MAML1: variants seen among roughly 807,000 people sequenced by gnomAD.
The protein encoded by MAML1 is mastermind-like protein 1.
In MAML1, 14 loss-of-function variants were observed where a neutral mutation model predicts 77.1. The observed-to-expected ratio is 0.18, with a 90% CI of 0.12 to 0.28. The LOEUF (loss-of-function observed/expected upper bound fraction) is 0.28. Among genes scored for constraint, MAML1 ranks in the 10% least tolerant of loss-of-function variants. The probability of loss-of-function intolerance (pLI) is 1.00; values close to 1 mark genes in which losing one functional copy is unlikely to be tolerated. For missense variants in MAML1, 1,217 were observed against 1,327.8 expected, an observed-to-expected ratio of 0.92 and a Z score of 1.30; for synonymous variants, 516 against 551.9, an observed-to-expected ratio of 0.93 and a Z score of 0.91.
chr5:179,742,987 T>TA (rs1305188367), intron 1 of MAML1, among the ~76,000 whole-genome samples: 1 of 152,056 alleles, frequency 6.6e-6, no homozygotes. Flanking sequence ...TGAAAAGCCT[T>TA]ATATTTGAGA....
chr5:179,777,067 A>T lies in MAML1; in HGVS notation c.*2190A>T. ...ATATTTTTTACTTTTATAGATTTTA[A>T]AACTATGATCCTTTATATGTGTGTT... On this transcript the variant is annotated 3_prime_UTR_variant, in exon 5 of 5. Coordinates refer to ENST00000292599, the MANE Select transcript of MAML1 (RefSeq NM_014757.5). The T allele has an allele frequency of 1.0e-6, 1 of 984,288 alleles. No individual in the cohort carries two copies. Among genetic ancestry groups the T allele is most frequent in the South Asian group, 4.7e-5 (1 of 21,256 alleles). 61.0% of individuals were successfully genotyped at this position (984,288 alleles called of 1,614,324 possible).
intron 1 of MAML1, among the ~76,000 whole-genome samples, chr5:179,753,257 C>T (rs540435096): frequency 3.3e-4 from 50 of 151,372 alleles, no homozygotes; most frequent in African/African-American, 1.2e-3. Context: ...GTGAAGGAGT[C>T]CTGAATTCAC....
chr5:179,745,505 C>T (rs1240778654), intron 1 of MAML1, among the ~76,000 whole-genome samples: 1 of 149,680 alleles, frequency 6.7e-6, no homozygotes, highest in Non-Finnish European at 1.5e-5. Context: ...CACCTGAGGT[C>T]AGCAGTTCAA....
At position 179,776,187 on chromosome 5, in the gene MAML1, C is replaced by G. The variant is rs1186919528; in HGVS notation, c.*1310C>G. ...AAGCACAGGGTGAGACCCTTTTACA[C>G]AGAATGGTGGAGAGAAAAGAGAATG... On this transcript the variant is annotated 3_prime_UTR_variant, in exon 5 of 5. Transcript: ENST00000292599. 2.0e-6 allele frequency: 2 copies of G among 985,782 alleles called. No homozygotes were observed. The highest frequency in any genetic ancestry group is 2.4e-6 in the Non-Finnish European group (2 of 829,956). 61.1% of individuals were successfully genotyped at this position (985,782 alleles called of 1,614,324 possible).
chr5:179,738,973 G>A (rs1779226223), intron 1 of MAML1, among the ~76,000 whole-genome samples: 2 of 152,038 alleles, frequency 1.3e-5, no homozygotes, highest in African/African-American at 2.4e-5. Context: ...ATCATTCTTC[G>A]TGACTTCTTC....
At chr5:179,767,977 T>C (rs1431199425) in intron 2 of MAML1, among the ~76,000 whole-genome samples, 2 of 152,228 alleles carry the variant, frequency 1.3e-5, no homozygotes, top group Non-Finnish European at 2.9e-5. Context: ...ACAGAGAATA[T>C]CTGTTAAAGT....
Position 179,768,928 on chromosome 5 carries a change from A to C in MAML1, c.1810A>C (p.Ser604Arg). ...GTQPPAVSVASSHNSSPYLSS... is the reference protein window; with the variant it reads ...GTQPPAVSVARSHNSSPYLSS... ...CCAGCCGCCTGCCGTGTCCGTGGCC[A>C]GCTCCCACAACAGCTCCCCCTATCT... Residue 604 changes from serine to arginine, a missense_variant, in exon 3 of 5, where the codon AGC becomes CGC. Physicochemically the swap from Ser to Arg is moderately radical, Grantham distance 110. Transcript: ENST00000292599. The C allele has an allele frequency of 6.2e-7, 1 of 1,614,160 alleles. No homozygotes were observed. Among genetic ancestry groups the C allele is most frequent in the Non-Finnish European group, 8.5e-7 (1 of 1,180,026 alleles).
At chr5:179,747,827 A>AAAAAAAAT in intron 1 of MAML1, among the ~76,000 whole-genome samples, 1 of 151,242 alleles carries the variant, frequency 6.6e-6, no homozygotes, top group Non-Finnish European at 1.5e-5. Context: ...AAAAAAAAAA[A>AAAAAAAAT]AAGAAGGAAA....
intron 1 of MAML1, among the ~76,000 whole-genome samples, chr5:179,734,128 C>G (rs1223606481): frequency 6.6e-6 from 1 of 152,076 alleles, no homozygotes; most frequent in Non-Finnish European, 1.5e-5. Flanking sequence ...AGTAAATGTT[C>G]CTGAAATTTG....
chr5:179,736,095 C>G (rs1308324201), intron 1 of MAML1, among the ~76,000 whole-genome samples: 1 of 152,156 alleles, frequency 6.6e-6, no homozygotes, highest in African/African-American at 2.4e-5. Flanking sequence ...TAGTACACAT[C>G]TGAGGTGCAT....
intron 1 of MAML1, among the ~76,000 whole-genome samples, chr5:179,733,856 G>C (rs539213223): frequency 1.3e-5 from 2 of 152,330 alleles, no homozygotes; most frequent in South Asian, 4.1e-4. Context: ...CTGTGAGCAG[G>C]ATCAGGGCTT....
At position 179,775,938 on chromosome 5, in the gene MAML1, C is replaced by T. The variant is rs966882565; in HGVS notation, c.*1061C>T. On this transcript the variant is annotated 3_prime_UTR_variant, in exon 5 of 5. Coordinates refer to ENST00000292599, the MANE Select transcript of MAML1 (RefSeq NM_014757.5). ...GGTTTTGGGGAAGGAGGCCGTAGGC[C>T]GGCCCGGAGGAAGCAATTCCACTTG... 35 of 985,694 alleles carry T rather than the reference C, an allele frequency of 3.6e-5. No homozygotes were observed. In the South Asian group the frequency reaches 3.8e-4, roughly 11 times the overall value. 61.1% of individuals were successfully genotyped at this position (985,694 alleles called of 1,614,324 possible).
chr5:179,751,342 A>G (rs1222217889), intron 1 of MAML1, among the ~76,000 whole-genome samples: 2 of 152,208 alleles, frequency 1.3e-5, no homozygotes, highest in East Asian at 1.9e-4. Context: ...AGCACGTGGA[A>G]TGCACCTTGT....
intron 2 of MAML1, among the ~76,000 whole-genome samples, chr5:179,767,740 C>T (rs759346127): frequency 6.6e-6 from 1 of 152,146 alleles, no homozygotes; most frequent in Admixed American, 6.5e-5. Flanking sequence ...TTGCAACTTA[C>T]GAAGCACTCT....
At position 179,759,654 on chromosome 5, in the gene MAML1, A is replaced by G. The variant is rs78309671; in HGVS notation, c.316-5672A>G. ...GCTCCCGAGTGTCCTGTGGACATACAGGGACTGGGAGAGAAATGTTGACCA... is the reference window on the plus strand; with the variant it reads ...GCTCCCGAGTGTCCTGTGGACATACGGGGACTGGGAGAGAAATGTTGACCA... On this transcript the variant is annotated intron_variant, in intron 1 of 4. Coordinates refer to ENST00000292599, the MANE Select transcript of MAML1 (RefSeq NM_014757.5). 8.5e-5 allele frequency among the ~76,000 whole-genome samples: 13 copies of G among 152,346 alleles called. No individual in the cohort carries two copies. In the East Asian group the frequency reaches 2.5e-3, roughly 29 times the overall value.
At chr5:179,761,690 C>T (rs770715036) in intron 1 of MAML1, among the ~76,000 whole-genome samples, 7 of 151,988 alleles carry the variant, frequency 4.6e-5, no homozygotes, top group African/African-American at 7.3e-5. Flanking sequence ...AGTGAAACTC[C>T]GTCTCAATAA....
intron 1 of MAML1, among the ~76,000 whole-genome samples, chr5:179,748,781 G>A (rs1442831074): frequency 2.0e-5 from 3 of 152,198 alleles, no homozygotes; most frequent in African/African-American, 7.2e-5. Context: ...GAGGGTACCA[G>A]GTCACATATC....
At position 179,766,808 on chromosome 5, in the gene MAML1, G is replaced by C; in HGVS notation, c.1731+67G>C. On this transcript the variant is annotated intron_variant, in intron 2 of 4. Transcript: ENST00000292599. This position sits in a 1 kb window ranked among gnomAD's most constrained non-coding sequence, Gnocchi z 4.0. ...CTTCAGTGAGGTTACTCACTACTTTGGATGTTAATTGGATCCGAGGTAGTT... is the reference window on the plus strand; with the variant it reads ...CTTCAGTGAGGTTACTCACTACTTTCGATGTTAATTGGATCCGAGGTAGTT... 1 of 1,329,740 alleles carries C rather than the reference G, an allele frequency of 7.5e-7. No individual in the cohort carries two copies. The highest frequency in any genetic ancestry group is 1.5e-5 in the African/African-American group (1 of 68,024). The allele number at this position is 1,329,740 out of a possible 1,614,324, so 82.4% of individuals were successfully genotyped here.
rs556426769 is a variant in MAML1, at chr5:179,734,877, G to A, written c.315+1450G>A. ...GTTAGAGATGGGGTCTCACTATATT[G>A]CCTAGGCTGGTCTTGAACTCCTGGG... is the stretch of plus-strand genomic sequence containing the variant. On this transcript the variant is annotated intron_variant, in intron 1 of 4. Coordinates refer to ENST00000292599, the MANE Select transcript of MAML1 (RefSeq NM_014757.5). Among the ~76,000 whole-genome samples, 5 of 152,208 alleles carry A rather than the reference G, an allele frequency of 3.3e-5. No homozygotes were observed. In the East Asian group the frequency reaches 9.6e-4, roughly 29 times the overall value.
Sources: gnomAD v4.1 joint callset for allele counts (sites outside exome capture counted in the v4.1 genomes callset) on GRCh38, gnomAD v4.1.1 for gene constraint, Gnocchi (gnomAD v3.1) non-coding constraint, MANE v1.5 for transcripts, NCBI Gene and HGNC (gene_info 2026-07-23, HGNC 2026-07-21) for gene names.